The following CRIM1 variants were observed in gnomAD, a reference collection of about 807,000 sequenced individuals.
CRIM1 encodes the protein cysteine-rich motor neuron 1 protein.
In CRIM1, 32 loss-of-function variants were observed where a neutral mutation model predicts 116.4. The ratio of observed to expected loss-of-function variants is 0.27; its 90% CI spans 0.21 to 0.37. The LOEUF (loss-of-function observed/expected upper bound fraction) is 0.37. Among genes scored for constraint, CRIM1 ranks in the 10% least tolerant of loss-of-function variants. The pLI is 1.00. For missense variants in CRIM1, 1,331 were observed against 1,354.8 expected, an observed-to-expected ratio of 0.98 and a Z score of 0.28; for synonymous variants, 590 against 509.2, an observed-to-expected ratio of 1.16 and a Z score of -2.13.
At position 36,471,660 on chromosome 2, in the gene CRIM1, GGAA is replaced by G. The variant is rs536520250; in HGVS notation, c.992-5220_992-5218del. Among the ~76,000 whole-genome samples the G allele has an allele frequency of 2.3e-3, 350 of 151,806 alleles. 1 individual carries two copies. The highest frequency in any genetic ancestry group is 8.1e-3 in the African/African-American group (337 of 41,400). ...TCTTTTGGCTTCCCTGGGCCACATT[GGAA>G]GAAGAAGATTGTCTTGGGCCACATG... On this transcript the variant is annotated intron_variant, in intron 5 of 16. Transcript: ENST00000280527.
intron 2 of CRIM1, among the ~76,000 whole-genome samples, chr2:36,410,779 A>T (rs1673144328): frequency 6.6e-6 from 1 of 152,136 alleles, no homozygotes; most frequent in Non-Finnish European, 1.5e-5. Context: ...ACCTTTTATA[A>T]ATATCAGAGT....
intron 5 of CRIM1, among the ~76,000 whole-genome samples, chr2:36,465,908 C>CA (rs1677970281): frequency 6.8e-6 from 1 of 147,916 alleles, no homozygotes; most frequent in Non-Finnish European, 1.5e-5. Context: ...TTTTTTGAGA[C>CA]AGAGTCTCGC....
At chr2:36,362,372 A>C (rs866064968) in intron 1 of CRIM1, among the ~76,000 whole-genome samples, 1 of 152,322 alleles carries the variant, frequency 6.6e-6, no homozygotes, top group Middle Eastern at 3.4e-3. Context: ...TTCTTTTGGC[A>C]GGGGAGGTGA....
At chr2:36,501,140 G>A (rs532067287) in intron 8 of CRIM1, among the ~76,000 whole-genome samples, 14 of 151,910 alleles carry the variant, frequency 9.2e-5, no homozygotes, top group Admixed American at 3.9e-4. Flanking sequence ...CATTCTCTTC[G>A]ATCTCTCTCA....
intron 1 of CRIM1, among the ~76,000 whole-genome samples, chr2:36,382,444 A>G (rs962085887): frequency 6.6e-6 from 1 of 152,206 alleles, no homozygotes; most frequent in African/African-American, 2.4e-5. Context: ...CTTGAATGAT[A>G]ATTAGTGCTC....
chr2:36,359,922 G>T (rs1006641455), intron 1 of CRIM1, among the ~76,000 whole-genome samples: 1 of 152,200 alleles, frequency 6.6e-6, no homozygotes, highest in African/African-American at 2.4e-5. Flanking sequence ...ATCCTAACTG[G>T]CCTGTTTTCT....
At chr2:36,507,794 C>T (rs929136865) in intron 8 of CRIM1, among the ~76,000 whole-genome samples, 39 of 152,320 alleles carry the variant, frequency 2.6e-4, no homozygotes, top group African/African-American at 9.1e-4. Flanking sequence ...AGGTGAAGCA[C>T]ATTCAAGATC....
intron 1 of CRIM1, among the ~76,000 whole-genome samples, chr2:36,377,334 C>T (rs1034644138): frequency 6.6e-6 from 1 of 152,230 alleles, no homozygotes; most frequent in Non-Finnish European, 1.5e-5. Context: ...GATACAGTCT[C>T]AAGAAAACCT....
At chr2:36,376,833 CA>C (rs1037574501) in intron 1 of CRIM1, among the ~76,000 whole-genome samples, 1 of 152,148 alleles carries the variant, frequency 6.6e-6, no homozygotes, top group Admixed American at 6.5e-5. Context: ...TAATGAACAC[CA>C]AGCTTCTTGG....
chr2:36,432,858 G>A (rs1017734374), intron 2 of CRIM1, among the ~76,000 whole-genome samples: 1 of 151,972 alleles, frequency 6.6e-6, no homozygotes, highest in African/African-American at 2.4e-5. Flanking sequence ...ATTGGTCTGG[G>A]GTGCACTCTG....
intron 2 of CRIM1, among the ~76,000 whole-genome samples, chr2:36,401,459 A>G (rs3770934): frequency 0.18 from 27,307 of 152,140 alleles, 2,529 homozygotes; most frequent in Admixed American, 0.25. Flanking sequence ...CTTATTCATC[A>G]GTGATTTGGG....
chr2:36,500,182 A>G (rs1209190625), intron 8 of CRIM1, among the ~76,000 whole-genome samples: 1 of 152,082 alleles, frequency 6.6e-6, no homozygotes. Context: ...ACAAAAAAAA[A>G]TAGCTAAGCA....
intron 13 of CRIM1, among the ~76,000 whole-genome samples, chr2:36,528,726 A>C (rs775305209): frequency 1.8e-4 from 28 of 152,338 alleles, no homozygotes; most frequent in Middle Eastern, 3.4e-3. Context: ...TGTGATTTGA[A>C]AGAAGGGGAA....
intron 1 of CRIM1, among the ~76,000 whole-genome samples, chr2:36,362,326 A>C (rs775652142): frequency 3.3e-5 from 5 of 152,178 alleles, no homozygotes; most frequent in Non-Finnish European, 7.4e-5. Context: ...GGGAATTTGA[A>C]TTTGAACTAG....
chr2:36,363,124 C>T (rs1669337196), intron 1 of CRIM1, among the ~76,000 whole-genome samples: 1 of 150,652 alleles, frequency 6.6e-6, no homozygotes, highest in Admixed American at 6.6e-5. Flanking sequence ...TGCTTGAACC[C>T]AGGAAGCAGA....
At chr2:36,361,087 A>G (rs993500312) in intron 1 of CRIM1, among the ~76,000 whole-genome samples, 9 of 152,208 alleles carry the variant, frequency 5.9e-5, no homozygotes, top group Non-Finnish European at 1.2e-4. Flanking sequence ...CTGCACTTAA[A>G]TAAATGACAG....
intron 8 of CRIM1, among the ~76,000 whole-genome samples, chr2:36,503,151 G>A (rs1412444840): frequency 6.6e-6 from 1 of 152,102 alleles, no homozygotes; most frequent in Non-Finnish European, 1.5e-5. Flanking sequence ...AAATTTCCAG[G>A]TCCTGGGTTT....
At chr2:36,390,760 C>A (rs974510418) in intron 1 of CRIM1, among the ~76,000 whole-genome samples, 1 of 152,048 alleles carries the variant, frequency 6.6e-6, no homozygotes, top group Non-Finnish European at 1.5e-5. Context: ...TTCAGGTCTT[C>A]CATATACTGG....
intron 8 of CRIM1, among the ~76,000 whole-genome samples, chr2:36,508,193 T>C (rs1482466507): frequency 6.6e-6 from 1 of 152,202 alleles, no homozygotes; most frequent in Non-Finnish European, 1.5e-5. Flanking sequence ...TACAGTGTAA[T>C]ACAGGCACAT....
Sources: gnomAD v4.1 joint callset for allele counts (sites outside exome capture counted in the v4.1 genomes callset) on GRCh38, gnomAD v4.1.1 for gene constraint, MANE v1.5 for transcripts, NCBI Gene and HGNC (gene_info 2026-07-23, HGNC 2026-07-21) for gene names.